JPH3: variants seen among roughly 807,000 people sequenced by gnomAD.
JPH3 encodes the protein junctophilin-3.
Under a neutral mutation model 59.6 loss-of-function variants are expected in JPH3, and 11 were observed. The ratio of observed to expected loss-of-function variants is 0.18; its 90% CI spans 0.12 to 0.31. The LOEUF is 0.31. JPH3 is among the 10% of genes least tolerant of loss of function. JPH3 has a pLI of 1.00. For synonymous variants in JPH3, 673 were observed against 483.6 expected, an observed-to-expected ratio of 1.39 and a Z score of -5.14; for missense variants, 1,202 against 1,105.7, an observed-to-expected ratio of 1.09 and a Z score of -1.24.
intron 2 of JPH3, among the ~76,000 whole-genome samples, chr16:87,651,392 G>A (rs1278911665): frequency 6.6e-6 from 1 of 152,192 alleles, no homozygotes. Context: ...AATACATTTA[G>A]TAAGGCTGCC....
chr16:87,646,014 G>T (rs2032136289), intron 2 of JPH3, among the ~76,000 whole-genome samples: 1 of 152,242 alleles, frequency 6.6e-6, no homozygotes, highest in Admixed American at 6.5e-5. Flanking sequence ...CCTTGGGGTA[G>T]CCCGGAGAGT....
intron 2 of JPH3, among the ~76,000 whole-genome samples, chr16:87,646,416 C>A (rs916213923): frequency 1.3e-5 from 2 of 152,208 alleles, no homozygotes; most frequent in Non-Finnish European, 2.9e-5. Flanking sequence ...CCTCCCTGCT[C>A]CCTCAGAAAT....
chr16:87,696,634 A>G lies in JPH3; in HGVS notation c.2221A>G (p.Ile741Val). The G allele has an allele frequency of 1.9e-6, 3 of 1,613,600 alleles. No homozygotes were observed. Among genetic ancestry groups the G allele is most frequent in the Non-Finnish European group, 2.5e-6 (3 of 1,179,868 alleles). The part of the protein sequence containing the change: ...MVILLNIGVA[I>V]LFINFFI The stretch of plus-strand genomic sequence containing the variant: ...GATCTTGCTCAACATCGGAGTCGCC[A>G]TTCTGTTTATTAACTTTTTCATCTG... Residue 741 changes from isoleucine (I) to valine (V), a missense_variant, in exon 5 of 5, where the codon ATT becomes GTT. Transcript: ENST00000284262.
rs141046234 is a variant in JPH3, at chr16:87,645,115, G to T, written c.1160+80G>T. The T allele has an allele frequency of 4.9e-6, 7 of 1,420,436 alleles. No individual in the cohort carries two copies. The African/African-American group carries it at 9.9e-5, about 20-fold the overall frequency. 88.0% of individuals were successfully genotyped at this position (1,420,436 alleles called of 1,614,324 possible). A position where few individuals can be genotyped will look rare whatever the true frequency, so the allele number is the denominator to read the frequency against. On this transcript the variant is annotated intron_variant, in intron 2 of 4. Coordinates refer to ENST00000284262, the MANE Select transcript of JPH3 (RefSeq NM_020655.4). The stretch of plus-strand genomic sequence containing the variant: ...GCCCAGTCTGTTCAGTCCTGCTGTC[G>T]CTCAAGGCCTTGGGCTAGGCCCAGT...
Position 87,696,777 on chromosome 16 carries a change from C to A in JPH3, c.*117C>A, listed in dbSNP as rs566362696. On this transcript the variant is annotated 3_prime_UTR_variant, in exon 5 of 5. Coordinates refer to ENST00000284262, the MANE Select transcript of JPH3 (RefSeq NM_020655.4). ...CGGACAGCCCAGCGACTTCCAAGTC[C>A]TCTCACAGAAGAACCACACGATTGG... The A allele has an allele frequency of 2.1e-5, 17 of 794,330 alleles. No individual in the cohort carries two copies. The highest frequency in any genetic ancestry group is 1.6e-4 in the Admixed American group (8 of 48,796). The allele number at this position is 794,330 out of a possible 1,614,324, so 49.2% of individuals were successfully genotyped here. A position where few individuals can be genotyped will look rare whatever the true frequency, so the allele number is the denominator to read the frequency against.
chr16:87,680,390 C>T (rs1190933192), intron 2 of JPH3, among the ~76,000 whole-genome samples: 1 of 152,214 alleles, frequency 6.6e-6, no homozygotes, highest in Non-Finnish European at 1.5e-5. Context: ...CAGAAGGAAG[C>T]GGAGCCCTGG....
At chr16:87,678,921 G>C (rs1448111365) in intron 2 of JPH3, among the ~76,000 whole-genome samples, 1 of 152,252 alleles carries the variant, frequency 6.6e-6, no homozygotes, top group Non-Finnish European at 1.5e-5. Context: ...AAAGCCTTCC[G>C]ATAGGGGTGT....
chr16:87,653,755 T>G (rs1039735841), intron 2 of JPH3: 1 of 152,122 alleles, frequency 6.6e-6, no homozygotes, highest in Admixed American at 6.5e-5. Flanking sequence ...GTTGCAGATA[T>G]AATTAAGATG....
At chr16:87,680,130 A>C (rs1329917093) in intron 2 of JPH3, among the ~76,000 whole-genome samples, 1 of 152,224 alleles carries the variant, frequency 6.6e-6, no homozygotes, top group East Asian at 1.9e-4. Flanking sequence ...CCTGAGGAGG[A>C]GACGCTTGCC....
intron 2 of JPH3, among the ~76,000 whole-genome samples, chr16:87,660,755 T>C (rs1312233716): frequency 6.6e-6 from 1 of 152,140 alleles, no homozygotes; most frequent in Non-Finnish European, 1.5e-5. Flanking sequence ...ACTGTGCTAG[T>C]CTGTAGGAGG....
At chr16:87,651,004 G>A (rs1234060090) in intron 2 of JPH3, among the ~76,000 whole-genome samples, 1 of 152,234 alleles carries the variant, frequency 6.6e-6, no homozygotes, top group Non-Finnish European at 1.5e-5. Flanking sequence ...CTAATGGCTG[G>A]ATTTGAAGGA....
chr16:87,664,221 C>T (rs868784350), intron 2 of JPH3, among the ~76,000 whole-genome samples: 28 of 151,778 alleles, frequency 1.8e-4, no homozygotes, highest in Middle Eastern at 6.8e-3. Flanking sequence ...GTCCCAGCTA[C>T]ATGGGAGGCT....
chr16:87,653,948 G>C (rs1041999361), intron 2 of JPH3: 1 of 152,272 alleles, frequency 6.6e-6, no homozygotes, highest in African/African-American at 2.4e-5. Flanking sequence ...CCCATCTTTG[G>C]TGCGGTCATC....
chr16:87,695,426 G>T (rs766385434), intron 4 of JPH3: 1 of 456,120 alleles, frequency 2.2e-6, no homozygotes, highest in East Asian at 7.0e-5. Flanking sequence ...CACAGCAGCA[G>T]GATGTCTGCG....
At position 87,690,194 on chromosome 16, in the gene JPH3, CGGATGGAGATGAAACCCTTGCTGA is replaced by C. The variant is rs773247332; in HGVS notation, c.1844_1867del (p.Met615_Glu622del). The C allele has an allele frequency of 1.2e-6, 2 of 1,602,000 alleles. No homozygotes were observed. Among genetic ancestry groups the C allele is most frequent in the South Asian group, 2.2e-5 (2 of 89,122 alleles). ...GCAGGAGGAGAAGCTGAGCAACTAC[CGGATGGAGATGAAACCCTTGCTGA>C]GGATGGAGACGCATCCCCAGAAAAG... On this transcript the variant is annotated inframe_deletion, in exon 4 of 5. Coordinates refer to ENST00000284262, the MANE Select transcript of JPH3 (RefSeq NM_020655.4).
chr16:87,635,303 C>T (rs1242155801), intron 1 of JPH3, among the ~76,000 whole-genome samples: 1 of 152,170 alleles, frequency 6.6e-6, no homozygotes, highest in Non-Finnish European at 1.5e-5. Flanking sequence ...GCGCTCTCTC[C>T]AGCTGGGACC....
At position 87,690,410 on chromosome 16, in the gene JPH3, G is replaced by A; in HGVS notation, c.2050G>A (p.Gly684Ser). Residue 684 changes from glycine (G) to serine (S), a missense_variant, in exon 4 of 5, where the codon GGC becomes AGC. Physicochemically the swap from Gly to Ser is moderately conservative, Grantham distance 56. Transcript: ENST00000284262. The part of the protein sequence containing the change: ...AVQKLASLRL[G>S]GAEPRLLRWD... ...GCAGAAACTGGCGAGCCTGCGGCTGGGCGGGGCCGAGCCCCGGTTGCTGCG... is the reference window on the plus strand; with the variant it reads ...GCAGAAACTGGCGAGCCTGCGGCTGAGCGGGGCCGAGCCCCGGTTGCTGCG... 1 of 1,504,944 alleles carries A rather than the reference G, an allele frequency of 6.6e-7. No individual in the cohort carries two copies. Among genetic ancestry groups the A allele is most frequent in the African/African-American group, 1.4e-5 (1 of 71,232 alleles). The allele number at this position is 1,504,944 out of a possible 1,614,324, so 93.2% of individuals were successfully genotyped here.
At chr16:87,695,524 G>T (rs1305790364) in intron 4 of JPH3, 4 of 454,750 alleles carry the variant, frequency 8.8e-6, no homozygotes, top group African/African-American at 2.0e-5. Flanking sequence ...GCGAGATGCA[G>T]GGCGTGGTGG....
rs1460313374 is a variant in JPH3, at chr16:87,644,746, G to A, written c.871G>A (p.Glu291Lys). The change falls in exon 2 of 5, where the codon GAG becomes AAG. Residue 291 changes from glutamate (E) to lysine (K), a missense_variant. Coordinates refer to ENST00000284262, the MANE Select transcript of JPH3 (RefSeq NM_020655.4). ...DATTTETYVG[E>K]WKNDKRSGFG... ...CACCACCACCGAGACCTACGTGGGCGAGTGGAAGAACGACAAACGCTCCGG... is the reference window on the plus strand; with the variant it reads ...CACCACCACCGAGACCTACGTGGGCAAGTGGAAGAACGACAAACGCTCCGG... 6 of 1,613,190 alleles carry A rather than the reference G, an allele frequency of 3.7e-6. No individual in the cohort carries two copies. The highest frequency in any genetic ancestry group is 4.2e-6 in the Non-Finnish European group (5 of 1,179,904).
Sources: allele counts gnomAD v4.1 joint callset (sites outside exome capture counted in the v4.1 genomes callset), GRCh38; gene constraint gnomAD v4.1.1; transcripts MANE v1.5; gene names NCBI Gene and HGNC (gene_info 2026-07-23, HGNC 2026-07-21).